The following ZNF248 variants were observed in gnomAD, a reference collection of about 807,000 sequenced individuals.
ZNF248 encodes the protein zinc finger protein 248, also known as KRAB protein domain.
ZNF248 carries 20 observed loss-of-function variants against 44.3 expected under a neutral mutation model. That is an observed-to-expected ratio of 0.45 (90% confidence interval 0.32 to 0.66). The LOEUF is 0.66. Among genes scored for constraint, ZNF248 ranks in the 30% least tolerant of loss-of-function variants. The pLI is 0.04. For synonymous variants in ZNF248, 224 were observed against 229.0 expected (o/e 0.98, Z 0.20); for missense variants, 654 against 677.0 (o/e 0.97, Z 0.38).
downstream of ZNF248, among the ~76,000 whole-genome samples, chr10:37,826,915 GGTTACA>G (rs2133778274): frequency 6.6e-6 from 1 of 152,094 alleles, no homozygotes; most frequent in South Asian, 2.1e-4. Context: ...CATATATATT[GGTTACA>G]GTGCATGGAA....
downstream of ZNF248, among the ~76,000 whole-genome samples, chr10:37,771,753 A>G (rs1368264407): frequency 6.6e-6 from 1 of 152,156 alleles, no homozygotes; most frequent in Admixed American, 6.5e-5. Context: ...GTGCACATGT[A>G]CCCTAAAACT....
In ZNF248 at chr10:37,838,112, C is replaced by T; in HGVS notation, c.16-1G>A. ...ATACATCCTTGAATGACACTTGTTC[C>T]TGTAATAGTATACTCTTTTTACATG... On this transcript the variant is annotated splice_acceptor_variant, in intron 3 of 5. Transcript: ENST00000395867. LOFTEE classifies it high-confidence loss of function. 1 of 1,610,772 alleles carries T rather than the reference C, an allele frequency of 6.2e-7. No individual in the cohort carries two copies. The highest frequency in any genetic ancestry group is 8.5e-7 in the Non-Finnish European group (1 of 1,178,188).
At chr10:37,794,876 T>C (rs11595684) in intron 6 of ZNF248, 16,906 of 154,572 alleles carry the variant, frequency 0.11, 1,174 homozygotes, top group Admixed American at 0.19. Flanking sequence ...TGTACCTTAC[T>C]ATAAAAGGCT....
intron 3 of ZNF248, among the ~76,000 whole-genome samples, chr10:37,841,104 A>G (rs767815570): frequency 3.9e-5 from 6 of 152,346 alleles, no homozygotes; most frequent in South Asian, 4.1e-4. Context: ...ATGAAAAGGC[A>G]TATGTTCACA....
the ZNF248 span, among the ~76,000 whole-genome samples, chr10:37,767,138 C>G: frequency 6.6e-6 from 1 of 152,188 alleles, no homozygotes; most frequent in Non-Finnish European, 1.5e-5. Flanking sequence ...AAGACCAAAT[C>G]TACATCTGAT....
intron 6 of ZNF248, chr10:37,791,997 C>T (rs1012931623): frequency 6.6e-6 from 1 of 152,248 alleles, no homozygotes; most frequent in Admixed American, 6.5e-5. Flanking sequence ...GGGATACTCT[C>T]TTGCAGAAGA....
At chr10:37,840,331 A>G (rs559641526) in intron 3 of ZNF248, among the ~76,000 whole-genome samples, 1 of 152,330 alleles carries the variant, frequency 6.6e-6, no homozygotes, top group South Asian at 2.1e-4. Flanking sequence ...AAAACTCAAT[A>G]ATAAGAACAC....
chr10:37,776,107 C>T (rs1036713364), downstream of ZNF248, among the ~76,000 whole-genome samples: 1 of 152,106 alleles, frequency 6.6e-6, no homozygotes, highest in Non-Finnish European at 1.5e-5. Context: ...ATGGACATGG[C>T]GTGAGAGCAG....
chr10:37,769,010 T>C, the ZNF248 span, among the ~76,000 whole-genome samples: 2 of 152,092 alleles, frequency 1.3e-5, no homozygotes, highest in African/African-American at 2.4e-5. Context: ...ACAAATAAAC[T>C]AGAAAATCTA....
At chr10:37,833,225 C>T (rs2133949876) in intron 5 of ZNF248, 109 bp from the exon 6 acceptor site, 2 of 1,428,368 alleles carry the variant, frequency 1.4e-6, no homozygotes, top group South Asian at 1.6e-5. Context: ...GTTTTAAATT[C>T]AGTTTCCTGG....
chr10:37,806,647 A>G (rs2050607656), intron 6 of ZNF248, among the ~76,000 whole-genome samples: 1 of 151,968 alleles, frequency 6.6e-6, no homozygotes, highest in African/African-American at 2.4e-5. Flanking sequence ...TTAATCTCTT[A>G]TCAAATATGT....
At chr10:37,783,275 C>T (rs1290328620) in intron 6 of ZNF248, among the ~76,000 whole-genome samples, 7 of 152,076 alleles carry the variant, frequency 4.6e-5, no homozygotes, top group African/African-American at 1.7e-4. Flanking sequence ...CATCTTATTC[C>T]CAGGAAGCAG....
chr10:37,782,865 C>T (rs562014641), intron 6 of ZNF248, among the ~76,000 whole-genome samples: 2 of 152,226 alleles, frequency 1.3e-5, no homozygotes, highest in South Asian at 4.2e-4. Flanking sequence ...ACACTCTAGC[C>T]TCCAGAACTG....
chr10:37,819,256 A>G lies in ZNF248; in HGVS notation c.330+13769T>C, dbSNP rs1392912951. 5.7e-6 allele frequency: 5 copies of G among 880,084 alleles called. No homozygotes were observed. The East Asian group carries it at 1.2e-4, about 21-fold the overall frequency. The allele number at this position is 880,084 out of a possible 1,614,324, so 54.5% of individuals were successfully genotyped here. A position where few individuals can be genotyped will look rare whatever the true frequency, so the allele number is the denominator to read the frequency against. On this transcript the variant is annotated intron_variant, in intron 6 of 6. Coordinates refer to the ZNF248 transcript ENST00000615949. ...CTGACATTAATTTGTGCCGTTTCAG[A>G]TAGAAGTTTAGATCATTTCCCTCAC...
the ZNF248 span, among the ~76,000 whole-genome samples, chr10:37,761,541 G>A: frequency 6.6e-5 from 10 of 152,174 alleles, no homozygotes; most frequent in African/African-American, 2.4e-5. Context: ...TGAGATAATG[G>A]TAATTTCCAA....
intron 6 of ZNF248, chr10:37,818,592 T>C (rs939775397): frequency 2.8e-5 from 12 of 431,092 alleles, no homozygotes; most frequent in African/African-American, 2.4e-4. Flanking sequence ...TTTGTGGCCT[T>C]GGAGTCAGTC....
chr10:37,819,916 C>G, intron 6 of ZNF248: 1 of 772,782 alleles, frequency 1.3e-6, no homozygotes, highest in Non-Finnish European at 2.4e-6. Flanking sequence ...ACCATCTGCC[C>G]ATTGTTCAGT....
chr10:37,834,417 G>A (rs187497923), intron 5 of ZNF248, among the ~76,000 whole-genome samples: 12 of 152,170 alleles, frequency 7.9e-5, no homozygotes, highest in East Asian at 1.9e-4. Flanking sequence ...TATAATACAC[G>A]AAGACAAAAT....
intron 5 of ZNF248, among the ~76,000 whole-genome samples, chr10:37,834,686 T>C (rs2056728645): frequency 6.6e-6 from 1 of 152,186 alleles, no homozygotes; most frequent in Non-Finnish European, 1.5e-5. Flanking sequence ...ATCTGGGCTA[T>C]TTAAGTTTCA....
Sources: allele counts gnomAD v4.1 joint callset (sites outside exome capture counted in the v4.1 genomes callset), GRCh38; gene constraint gnomAD v4.1.1; transcripts MANE v1.5; gene names NCBI Gene and HGNC (gene_info 2026-07-23, HGNC 2026-07-21).